The following GPRC5A variants were observed in gnomAD, a reference collection of about 807,000 sequenced individuals.
The protein encoded by GPRC5A is G protein-coupled receptor class C group 5 member A.
GPRC5A carries 19 observed loss-of-function variants against 22.5 expected under a neutral mutation model. The ratio of observed to expected loss-of-function variants is 0.85; its 90% CI spans 0.59 to 1.24. The LOEUF (loss-of-function observed/expected upper bound fraction) is 1.24, where lower values mean the gene tolerates loss of function less well. Among genes scored for constraint, GPRC5A ranks in the 50% most tolerant of loss-of-function variants. The pLI is 0.00. For missense variants in GPRC5A, 471 were observed against 451.1 expected (o/e 1.04, Z -0.40); for synonymous variants, 192 against 184.5 (o/e 1.04, Z -0.33).
At position 12,914,541 on chromosome 12, in the gene GPRC5A, C is replaced by CT. The variant is rs1416851615; in HGVS notation, c.*2004dup. 2.2e-3 allele frequency: 239 copies of CT among 108,542 alleles called. 2 individuals carry two copies. The highest frequency in any genetic ancestry group is 7.1e-3 in the African/African-American group (218 of 30,526). 6.7% of individuals were successfully genotyped at this position (108,542 alleles called of 1,614,324 possible). A position where few individuals can be genotyped will look rare whatever the true frequency, so the allele number is the denominator to read the frequency against. On this transcript the variant is annotated 3_prime_UTR_variant, in exon 4 of 4. Transcript: ENST00000014914. ...CTTTCTTTCTCTCTTTCCTTCCTTC[C>CT]TTCCTTTCTTCTTTCTTTCTTTCTT...
Position 12,908,680 on chromosome 12 carries a change from T to C in GPRC5A, c.431T>C (p.Val144Ala). 2.5e-6 allele frequency: 4 copies of C among 1,614,032 alleles called. No individual in the cohort carries two copies. The highest frequency in any genetic ancestry group is 1.3e-5 in the African/African-American group (1 of 75,070). ...GGTCTGGCCGTGGGCTTCAGCCTAG[T>C]CCAGGATGTTATCGCTATTGAATAT... ...ILGLAVGFSL[V>A]QDVIAIEYIV... The change falls in exon 2 of 4, where the codon GTC becomes GCC. Residue 144 changes from valine to alanine, a missense_variant. Physicochemically the swap from Val to Ala is moderately conservative, Grantham distance 64. Transcript: ENST00000014914.
chr12:12,912,147 G>A lies in GPRC5A; in HGVS notation c.981+5G>A, dbSNP rs375658613. The A allele has an allele frequency of 1.8e-5, 29 of 1,604,876 alleles. No individual in the cohort carries two copies. The African/African-American group carries it at 2.7e-4, about 15-fold the overall frequency. ...TCCACACATTTTCAGCTGCAGGTAA[G>A]TGATTTTTTTCTCCCTCTTCATCAA... is the stretch of plus-strand genomic sequence containing the variant. On this transcript the variant is annotated splice_donor_5th_base_variant and intron_variant, in intron 3 of 3. Coordinates refer to ENST00000014914, the MANE Select transcript of GPRC5A (RefSeq NM_003979.4).
intron 1 of GPRC5A, among the ~76,000 whole-genome samples, chr12:12,903,584 G>A (rs929168017): frequency 7.9e-5 from 12 of 152,198 alleles, no homozygotes; most frequent in Non-Finnish European, 1.8e-4. Flanking sequence ...ACTGCGGCTG[G>A]CCTAAATAAT....
chr12:12,908,448 A>C lies in GPRC5A; in HGVS notation c.199A>C (p.Thr67Pro), dbSNP rs759743810. 1.2e-6 allele frequency: 2 copies of C among 1,614,020 alleles called. No homozygotes were observed. Among genetic ancestry groups the C allele is most frequent in the South Asian group, 2.2e-5 (2 of 91,040 alleles). Residue 67 changes from threonine to proline, a missense_variant, in exon 2 of 4, where the codon ACT becomes CCT. Transcript: ENST00000014914. ...QDSNRRKMLP[T>P]QFLFLLGVLG... ...CTCCAACAGGCGAAAAATGCTGCCT[A>C]CTCAGTTTCTCTTCCTCCTGGGTGT...
At chr12:12,907,863 A>G (rs559427469) in intron 1 of GPRC5A, among the ~76,000 whole-genome samples, 3 of 152,310 alleles carry the variant, frequency 2.0e-5, no homozygotes, top group East Asian at 3.9e-4. Flanking sequence ...CAGAGAGCAA[A>G]TGATCCTCCT....
At position 12,916,914 on chromosome 12, in the gene GPRC5A, G is replaced by A. The variant is rs1864069707; in HGVS notation, c.*4375G>A. 6.6e-6 allele frequency: 1 copy of A among 152,256 alleles called. No homozygotes were observed. The highest frequency in any genetic ancestry group is 1.5e-5 in the Non-Finnish European group (1 of 68,112). 9.4% of individuals were successfully genotyped at this position (152,256 alleles called of 1,614,324 possible). A position where few individuals can be genotyped will look rare whatever the true frequency, so the allele number is the denominator to read the frequency against. Reference sequence around the variant, plus strand: ...GCTGAGAACTGGACTGTGCCCAGCTGACCTTTCCCTTCCTTGCCCTCATCT... The same window carrying A: ...GCTGAGAACTGGACTGTGCCCAGCTAACCTTTCCCTTCCTTGCCCTCATCT... On this transcript the variant is annotated 3_prime_UTR_variant, in exon 4 of 4. Coordinates refer to ENST00000014914, the MANE Select transcript of GPRC5A (RefSeq NM_003979.4).
At chr12:12,894,107 T>C (rs1237048931) in intron 1 of GPRC5A, among the ~76,000 whole-genome samples, 1 of 152,222 alleles carries the variant, frequency 6.6e-6, no homozygotes, top group African/African-American at 2.4e-5. Context: ...TTATGTATCA[T>C]CTATGCTGCT....
At chr12:12,904,249 G>T (rs905213820) in intron 1 of GPRC5A, among the ~76,000 whole-genome samples, 5 of 152,194 alleles carry the variant, frequency 3.3e-5, no homozygotes, top group African/African-American at 1.2e-4. Context: ...ACCAAAGAGG[G>T]GACATTTGTA....
chr12:12,905,633 G>A (rs963551161), intron 1 of GPRC5A, among the ~76,000 whole-genome samples: 1 of 152,154 alleles, frequency 6.6e-6, no homozygotes, highest in Non-Finnish European at 1.5e-5. Flanking sequence ...TGGAATTTGT[G>A]AGCCACCTGT....
chr12:12,902,569 G>C (rs1863900639), intron 1 of GPRC5A, among the ~76,000 whole-genome samples: 1 of 151,412 alleles, frequency 6.6e-6, no homozygotes, highest in African/African-American at 2.4e-5. Context: ...TTCAAGACCA[G>C]CCTGGGGAAC....
intron 1 of GPRC5A, among the ~76,000 whole-genome samples, chr12:12,906,943 G>C (rs1054547548): frequency 3.9e-5 from 6 of 152,126 alleles, no homozygotes; most frequent in Non-Finnish European, 8.8e-5. Flanking sequence ...TGTAATCTCA[G>C]CTACTCAGGA....
At chr12:12,895,374 C>CTTT (rs11448107) in intron 1 of GPRC5A, among the ~76,000 whole-genome samples, 7 of 140,258 alleles carry the variant, frequency 5.0e-5, no homozygotes, top group Admixed American at 4.9e-4. Context: ...ATAGTTTAGT[C>CTTT]TTTTTTTTTT....
chr12:12,900,381 A>G (rs1279245069), intron 1 of GPRC5A, among the ~76,000 whole-genome samples: 2 of 152,246 alleles, frequency 1.3e-5, no homozygotes, highest in Non-Finnish European at 2.9e-5. Flanking sequence ...GTAGTTCAGC[A>G]GCGTGTCCTG....
rs1193190805 is a variant in GPRC5A, at chr12:12,913,135, GC to G, written c.*597del. ...GCCCAGAGCAGACCTGCATATCTGA[GC>G]AAAAATAGCAAAAGCCTCTCTCAGC... On this transcript the variant is annotated 3_prime_UTR_variant, in exon 4 of 4. Coordinates refer to ENST00000014914, the MANE Select transcript of GPRC5A (RefSeq NM_003979.4). 1 of 152,688 alleles carries G rather than the reference GC, an allele frequency of 6.5e-6. No individual in the cohort carries two copies. The highest frequency in any genetic ancestry group is 1.5e-5 in the Non-Finnish European group (1 of 68,134). The allele number at this position is 152,688 out of a possible 1,614,324, so 9.5% of individuals were successfully genotyped here.
chr12:12,895,179 A>G (rs1386300448), intron 1 of GPRC5A, among the ~76,000 whole-genome samples: 1 of 152,182 alleles, frequency 6.6e-6, no homozygotes, highest in East Asian at 1.9e-4. Context: ...TTTGTATGAT[A>G]TTAAAACCTT....
intron 1 of GPRC5A, among the ~76,000 whole-genome samples, chr12:12,901,762 CAAA>C (rs34748296): frequency 0.019 from 1,613 of 85,618 alleles, 34 homozygotes; most frequent in African/African-American, 0.058. Flanking sequence ...ACTTGGGCAT[CAAA>C]AAAAAAAAAA....
At chr12:12,909,317 T>A (rs1303646760) in intron 2 of GPRC5A, 146 bp downstream of exon 2, 1 of 640,762 alleles carries the variant, frequency 1.6e-6, no homozygotes, top group Non-Finnish European at 2.6e-6. Flanking sequence ...CAGATCTTGC[T>A]TAAAGTCGTC....
chr12:12,893,739 G>T (rs377485235), intron 1 of GPRC5A, among the ~76,000 whole-genome samples: 16 of 122,452 alleles, frequency 1.3e-4, no homozygotes, highest in African/African-American at 4.0e-4. Flanking sequence ...AGTGATTTTT[G>T]TTTTGTTTTG....
chr12:12,903,098 A>G (rs1261533079), intron 1 of GPRC5A, among the ~76,000 whole-genome samples: 2 of 152,092 alleles, frequency 1.3e-5, no homozygotes, highest in East Asian at 3.9e-4. Context: ...AAAAAAATAC[A>G]CATACTATTT....
Sources: gnomAD v4.1 joint callset for allele counts (sites outside exome capture counted in the v4.1 genomes callset) on GRCh38, gnomAD v4.1.1 for gene constraint, MANE v1.5 for transcripts, NCBI Gene and HGNC (gene_info 2026-07-23, HGNC 2026-07-21) for gene names.